CAPZB: variants seen among roughly 807,000 people sequenced by gnomAD.
CAPZB encodes the protein F-actin-capping protein subunit beta.
A neutral mutation model predicts 38.1 loss-of-function variants in CAPZB; 2 were observed. That is an observed-to-expected ratio of 0.05 (90% CI 0.02 to 0.17). The LOEUF is 0.17. Ranked by LOEUF, CAPZB falls within the 10% of genes least tolerant of loss-of-function variation. The probability of loss-of-function intolerance (pLI) is 1.00; values close to 1 mark genes in which losing one functional copy is unlikely to be tolerated. For missense variants in CAPZB, 161 were observed against 334.2 expected, an observed-to-expected ratio of 0.48 and a Z score of 4.04; for synonymous variants, 107 against 127.4, an observed-to-expected ratio of 0.84 and a Z score of 1.08.
At chr1:19,461,197 G>A (rs978756588) in intron 1 of CAPZB, among the ~76,000 whole-genome samples, 1 of 152,282 alleles carries the variant, frequency 6.6e-6, no homozygotes, top group African/African-American at 2.4e-5. Context: ...TATGGGCTTA[G>A]AGAGGTGAAG....
chr1:19,362,500 G>GT (rs2094058856), intron 4 of CAPZB, among the ~76,000 whole-genome samples: 1 of 152,114 alleles, frequency 6.6e-6, no homozygotes. Flanking sequence ...GATTACAGGC[G>GT]TGAGCCACCA....
intron 1 of CAPZB, among the ~76,000 whole-genome samples, chr1:19,444,936 T>C (rs1239912803): frequency 1.3e-5 from 2 of 151,888 alleles, no homozygotes; most frequent in African/African-American, 4.8e-5. Context: ...AGAGACGGGA[T>C]CTCACCACGT....
chr1:19,371,550 G>A (rs190521558), intron 4 of CAPZB, among the ~76,000 whole-genome samples: 34 of 152,278 alleles, frequency 2.2e-4, no homozygotes, highest in Admixed American at 1.6e-3. Flanking sequence ...AAGACAAAGA[G>A]AGAATCCAGT....
At chr1:19,469,029 C>T (rs1206467672) in intron 1 of CAPZB, among the ~76,000 whole-genome samples, 8 of 152,222 alleles carry the variant, frequency 5.3e-5, no homozygotes, top group Middle Eastern at 3.2e-3. Flanking sequence ...CATATAGCGA[C>T]GGCAAGTACC....
At chr1:19,358,125 A>G (rs1449500420) in intron 4 of CAPZB, among the ~76,000 whole-genome samples, 2 of 152,196 alleles carry the variant, frequency 1.3e-5, no homozygotes, top group East Asian at 3.8e-4. Context: ...ATCCGACGCA[A>G]TGCAAAAACA....
chr1:19,423,045 C>T (rs1411589640), intron 1 of CAPZB, among the ~76,000 whole-genome samples: 2 of 120,204 alleles, frequency 1.7e-5, no homozygotes, highest in African/African-American at 3.6e-5. Context: ...ACATCCCCAC[C>T]CCGCAAGGGG....
chr1:19,392,968 G>A (rs2094245204), intron 2 of CAPZB, among the ~76,000 whole-genome samples: 1 of 152,138 alleles, frequency 6.6e-6, no homozygotes, highest in African/African-American at 2.4e-5. Context: ...CCCTTCACCG[G>A]TCTGTCCAGA....
At chr1:19,466,381 C>T (rs910406579) in intron 1 of CAPZB, among the ~76,000 whole-genome samples, 6 of 152,164 alleles carry the variant, frequency 3.9e-5, no homozygotes, top group African/African-American at 7.2e-5. Context: ...AAGCAGCACA[C>T]GTGAAGACAA....
At chr1:19,361,516 G>T (rs1055088791) in intron 4 of CAPZB, among the ~76,000 whole-genome samples, 2 of 152,250 alleles carry the variant, frequency 1.3e-5, no homozygotes, top group Non-Finnish European at 2.9e-5. Flanking sequence ...GGGCGCTCCG[G>T]CACCTTCAGG....
chr1:19,442,837 C>T (rs72653940), intron 1 of CAPZB, among the ~76,000 whole-genome samples: 3,739 of 152,202 alleles, frequency 0.025, 75 homozygotes, highest in Non-Finnish European at 0.038. Context: ...AGGAAAGTTC[C>T]GTTGCTCCTG....
In CAPZB at chr1:19,356,019, A is replaced by G. The variant is rs2094019195; in HGVS notation, c.588+616T>C. On this transcript the variant is annotated intron_variant, in intron 6 of 8. Coordinates refer to ENST00000264202, the MANE Select transcript of CAPZB (RefSeq NM_004930.5). The surrounding 1 kb of genome is among the most constrained non-coding windows in gnomAD (Gnocchi z 4.3). The stretch of plus-strand genomic sequence containing the variant: ...AGAACCTGGGAACAACATCGTGGAG[A>G]AGGGTTGCTAGTGATACCCAAACAA... 1.3e-5 allele frequency among the ~76,000 whole-genome samples: 2 copies of G among 152,162 alleles called. No homozygotes were observed. Among genetic ancestry groups the G allele is most frequent in the Admixed American group, 6.5e-5 (1 of 15,270 alleles).
At chr1:19,440,246 C>T (rs908566198) in intron 1 of CAPZB, among the ~76,000 whole-genome samples, 6 of 152,052 alleles carry the variant, frequency 3.9e-5, no homozygotes, top group African/African-American at 1.4e-4. Flanking sequence ...CCATGTTACC[C>T]GGGCTGGTCT....
At chr1:19,484,721 G>A in intron 1 of CAPZB, 2 of 1,061,026 alleles carry the variant, frequency 1.9e-6, no homozygotes, top group Non-Finnish European at 2.3e-6. Context: ...GAGGCTCAGG[G>A]CGGGGACCGA....
intron 6 of CAPZB, among the ~76,000 whole-genome samples, chr1:19,351,535 T>C (rs1376901582): frequency 6.6e-6 from 1 of 152,128 alleles, no homozygotes; most frequent in Non-Finnish European, 1.5e-5. Flanking sequence ...AGGTTGGTCT[T>C]GAACCCCTGG....
At chr1:19,392,329 T>C (rs978220863) in intron 2 of CAPZB, among the ~76,000 whole-genome samples, 4 of 151,474 alleles carry the variant, frequency 2.6e-5, no homozygotes, top group African/African-American at 9.7e-5. Context: ...CCTCCAAGAC[T>C]GCAGGGAAAA....
intron 4 of CAPZB, among the ~76,000 whole-genome samples, chr1:19,372,876 T>C (rs752131737): frequency 4.6e-5 from 7 of 152,070 alleles, no homozygotes; most frequent in Non-Finnish European, 1.0e-4. Context: ...GAGAATAGCC[T>C]AGATGTTGGG....
At chr1:19,471,245 T>C (rs771683322) in intron 1 of CAPZB, among the ~76,000 whole-genome samples, 15 of 151,964 alleles carry the variant, frequency 9.9e-5, no homozygotes, top group Non-Finnish European at 1.6e-4. Flanking sequence ...ATCGAAACTA[T>C]GGAAAAAGGG....
At chr1:19,476,810 C>A (rs2094608441) in intron 1 of CAPZB, among the ~76,000 whole-genome samples, 1 of 152,234 alleles carries the variant, frequency 6.6e-6, no homozygotes, top group Non-Finnish European at 1.5e-5. Context: ...CTAAACAAAA[C>A]CCAGACCTCT....
At chr1:19,403,044 C>T (rs1214906717) in intron 2 of CAPZB, among the ~76,000 whole-genome samples, 2 of 149,580 alleles carry the variant, frequency 1.3e-5, no homozygotes, top group African/African-American at 2.4e-5. Flanking sequence ...AACAAAACTC[C>T]ATCTCTAAAA....
Sources: allele counts gnomAD v4.1 joint callset (sites outside exome capture counted in the v4.1 genomes callset), GRCh38; gene constraint gnomAD v4.1.1; non-coding constraint Gnocchi (gnomAD v3.1); transcripts MANE v1.5; gene names NCBI Gene and HGNC (gene_info 2026-07-23, HGNC 2026-07-21).